The following HSD17B3 variants were observed in gnomAD, a reference collection of about 807,000 sequenced individuals.
HSD17B3 encodes 17-beta-hydroxysteroid dehydrogenase type 3.
A neutral mutation model predicts 41.1 loss-of-function variants in HSD17B3; 29 were observed. The observed-to-expected ratio is 0.71, with a 90% CI of 0.53 to 0.96. The LOEUF (loss-of-function observed/expected upper bound fraction) is 0.96. Among genes scored for constraint, HSD17B3 ranks in the 40% least tolerant of loss-of-function variants. HSD17B3 has a pLI of 0.00. For missense variants in HSD17B3, 323 were observed against 374.6 expected (o/e 0.86, Z 1.14); for synonymous variants, 126 against 145.6 (o/e 0.87, Z 0.97).
At chr9:96,253,021 C>A in intron 3 of HSD17B3, 111 bp from the exon 4 acceptor site, 1 of 760,370 alleles carries the variant, frequency 1.3e-6, no homozygotes, top group Non-Finnish European at 2.4e-6. Flanking sequence ...AAGAGGACAG[C>A]CCATTGCCCC....
chr9:96,270,967 A>G (rs1295024534), intron 2 of HSD17B3, among the ~76,000 whole-genome samples: 10 of 149,466 alleles, frequency 6.7e-5, no homozygotes, highest in African/African-American at 2.5e-4. Context: ...GGGGGGGGTT[A>G]AGATTGATAT....
chr9:96,277,707 T>C (rs1029554707), intron 2 of HSD17B3, among the ~76,000 whole-genome samples: 2 of 152,142 alleles, frequency 1.3e-5, no homozygotes, highest in South Asian at 2.1e-4. Context: ...TGGCTATATA[T>C]CCAAAGGAAA....
At chr9:96,253,178 A>G (rs1226976737) in intron 3 of HSD17B3, among the ~76,000 whole-genome samples, 8 of 152,220 alleles carry the variant, frequency 5.3e-5, no homozygotes, top group Non-Finnish European at 1.5e-5. Flanking sequence ...AGTGGAGTCC[A>G]CAAACCACAG....
intron 2 of HSD17B3, among the ~76,000 whole-genome samples, chr9:96,264,516 T>C (rs1825981252): frequency 6.6e-6 from 1 of 152,146 alleles, no homozygotes; most frequent in South Asian, 2.1e-4. Context: ...GTTTTATTGT[T>C]GCTGGGTTGG....
intron 1 of HSD17B3, 125 bp downstream of exon 1, chr9:96,301,826 A>G: frequency 9.7e-7 from 1 of 1,027,846 alleles, no homozygotes; most frequent in East Asian, 2.6e-5. Flanking sequence ...GGTTGCAGTG[A>G]GCCAAGATCG....
rs139823794 is a variant in HSD17B3 at position 96,240,859 on chromosome 9, T to C, written c.721A>G (p.Thr241Ala). The C allele has an allele frequency of 3.2e-5, 51 of 1,614,106 alleles. No homozygotes were observed. Among genetic ancestry groups the C allele is most frequent in the Non-Finnish European group, 4.2e-5 (50 of 1,180,048 alleles). Reference protein sequence around the residue: ...VSTAMTKYLNTNVITKTADEF... With the variant: ...VSTAMTKYLNANVITKTADEF... ...TCAGCAGTCTTGGTTATCACATTTGTATTTAGATACTTTGTCATTGCAGTC... is the reference window on the plus strand; with the variant it reads ...TCAGCAGTCTTGGTTATCACATTTGCATTTAGATACTTTGTCATTGCAGTC... Residue 241 changes from threonine to alanine, a missense_variant, in exon 10 of 11, where the codon ACA becomes GCA. Coordinates refer to ENST00000375263, the MANE Select transcript of HSD17B3 (RefSeq NM_000197.2).
At chr9:96,297,341 CTTTTTTTTT>C (rs71368242) in intron 2 of HSD17B3, among the ~76,000 whole-genome samples, 20 of 73,572 alleles carry the variant, frequency 2.7e-4, no homozygotes, top group African/African-American at 9.4e-4. Flanking sequence ...TTATTGATTT[CTTTTTTTTT>C]TTTTTTTTTT....
chr9:96,278,622 C>T (rs1826564931), intron 2 of HSD17B3, among the ~76,000 whole-genome samples: 1 of 152,290 alleles, frequency 6.6e-6, no homozygotes, highest in South Asian at 2.1e-4. Flanking sequence ...CAATTACACA[C>T]ACTCCCTAAG....
At chr9:96,243,890 C>T (rs920645732) in intron 9 of HSD17B3, among the ~76,000 whole-genome samples, 1 of 152,198 alleles carries the variant, frequency 6.6e-6, no homozygotes, top group Admixed American at 6.5e-5. Flanking sequence ...ACTAGCCCCT[C>T]CCCTCATTCA....
intron 8 of HSD17B3, 44 bp downstream of exon 8, chr9:96,245,301 T>C (rs764970955): frequency 6.8e-7 from 1 of 1,462,300 alleles, no homozygotes; most frequent in Non-Finnish European, 9.6e-7. Context: ...CTGGGAGAAA[T>C]AAGAGGAAGA....
At position 96,272,228 on chromosome 9, in the gene HSD17B3, G is replaced by T. The variant is rs200656308; in HGVS notation, c.202-17285C>A. 2.7e-5 allele frequency among the ~76,000 whole-genome samples: 4 copies of T among 150,490 alleles called. No homozygotes were observed. The East Asian group carries it at 7.9e-4, about 30-fold the overall frequency. ...TACTGAAAACACAAAAATGAGCCAG[G>T]TGTGGTGGTACGGACCTGTAGTCCC... On this transcript the variant is annotated intron_variant, in intron 2 of 10. Transcript: ENST00000375263.
chr9:96,283,051 G>C (rs1826766265), intron 2 of HSD17B3, among the ~76,000 whole-genome samples: 1 of 133,286 alleles, frequency 7.5e-6, no homozygotes, highest in Non-Finnish European at 1.5e-5. Context: ...TTTTGCCCAG[G>C]CTAGAGTGCA....
At chr9:96,277,384 A>C (rs573118398) in intron 2 of HSD17B3, among the ~76,000 whole-genome samples, 10 of 152,288 alleles carry the variant, frequency 6.6e-5, no homozygotes, top group African/African-American at 2.4e-4. Flanking sequence ...CAAAACAAAT[A>C]ACGTGATTTT....
At chr9:96,243,523 G>A (rs1836536138) in intron 9 of HSD17B3, among the ~76,000 whole-genome samples, 1 of 152,218 alleles carries the variant, frequency 6.6e-6, no homozygotes, top group Admixed American at 6.5e-5. Context: ...AGTGTGCGCA[G>A]CAATAATTTC....
intron 9 of HSD17B3, among the ~76,000 whole-genome samples, chr9:96,242,003 A>AAGAAAGAAAGAAAGAAAGAAAGAAAG (rs1554692386): frequency 7.4e-6 from 1 of 135,478 alleles, no homozygotes; most frequent in Non-Finnish European, 1.6e-5. Flanking sequence ...GAAAGAAAGA[A>AAGAAAGAAAGAAAGAAAGAAAGAAAG]AGAGAAAGAA....
In HSD17B3 at chr9:96,249,775, A is replaced by G. The variant is rs1836820315; in HGVS notation, c.465T>C (p.His155=). The G allele has an allele frequency of 2.5e-6, 4 of 1,614,030 alleles. No individual in the cohort carries two copies. Among genetic ancestry groups the G allele is most frequent in the Non-Finnish European group, 3.4e-6 (4 of 1,180,000 alleles). Residue 155 remains histidine, a synonymous_variant, in exon 6 of 11, where the codon CAT becomes CAC. Transcript: ENST00000375263. ...NAPDEIQSLI[H]CNITSVVKMT... ...CCTTGACTACGGAGGTGATGTTACA[A>G]TGGATGAGGCTCTGTAATAAATAAT...
At chr9:96,272,138 G>C (rs1826266033) in intron 2 of HSD17B3, among the ~76,000 whole-genome samples, 1 of 151,492 alleles carries the variant, frequency 6.6e-6, no homozygotes, top group South Asian at 2.1e-4. Context: ...GGAGTCTAAG[G>C]CAGGTGGATC....
At chr9:96,280,465 T>C (rs1297228388) in intron 2 of HSD17B3, among the ~76,000 whole-genome samples, 1 of 152,224 alleles carries the variant, frequency 6.6e-6, no homozygotes, top group Admixed American at 6.5e-5. Flanking sequence ...GAACTCTGAT[T>C]TGTCATTTTT....
intron 2 of HSD17B3, among the ~76,000 whole-genome samples, chr9:96,295,913 C>T (rs1361644642): frequency 2.0e-5 from 3 of 152,026 alleles, no homozygotes; most frequent in African/African-American, 4.8e-5. Context: ...GTAATCAGGT[C>T]ATGAGAGTGG....
Sources: gnomAD v4.1 joint callset for allele counts (sites outside exome capture counted in the v4.1 genomes callset) on GRCh38, gnomAD v4.1.1 for gene constraint, MANE v1.5 for transcripts, NCBI Gene and HGNC (gene_info 2026-07-23, HGNC 2026-07-21) for gene names.